GRIN3A: variants seen among roughly 807,000 people sequenced by gnomAD.
The protein encoded by GRIN3A is glutamate ionotropic receptor NMDA type subunit 3A.
GRIN3A carries 47 observed loss-of-function variants against 92.4 expected under a neutral mutation model. The observed-to-expected ratio is 0.51, with a 90% confidence interval of 0.40 to 0.65. The LOEUF is 0.65. GRIN3A is among the 30% of genes least tolerant of loss of function. GRIN3A has a pLI of 0.00. For synonymous variants in GRIN3A, 527 were observed against 540.6 expected, an observed-to-expected ratio of 0.97 and a Z score of 0.35; for missense variants, 1,324 against 1,393.1, an observed-to-expected ratio of 0.95 and a Z score of 0.79.
At chr9:101,734,409 C>T (rs1830175452) in intron 1 of GRIN3A, among the ~76,000 whole-genome samples, 1 of 152,030 alleles carries the variant, frequency 6.6e-6, no homozygotes, top group Non-Finnish European at 1.5e-5. Flanking sequence ...TGCTTTGACC[C>T]CATCCTATGT....
chr9:101,649,411 G>A (rs1828981192), intron 3 of GRIN3A, among the ~76,000 whole-genome samples: 1 of 151,958 alleles, frequency 6.6e-6, no homozygotes, highest in Admixed American at 6.6e-5. Context: ...ACTCACTCCA[G>A]GTGGTTCAGC....
At chr9:101,606,776 T>C (rs1200606478) in intron 6 of GRIN3A, among the ~76,000 whole-genome samples, 4 of 152,292 alleles carry the variant, frequency 2.6e-5, no homozygotes, top group African/African-American at 9.6e-5. Flanking sequence ...ATTTTAGTAA[T>C]CCCTTGAAGA....
intron 1 of GRIN3A, among the ~76,000 whole-genome samples, chr9:101,690,848 A>G (rs1268245580): frequency 1.3e-5 from 2 of 152,150 alleles, no homozygotes; most frequent in Non-Finnish European, 2.9e-5. Context: ...AGGAAATAGG[A>G]TATTAGAATT....
At chr9:101,593,728 C>T (rs1828065876) in intron 6 of GRIN3A, 1 of 152,178 alleles carries the variant, frequency 6.6e-6, no homozygotes, top group Non-Finnish European at 1.5e-5. Flanking sequence ...GCACTTAGTC[C>T]AGGCTTAGCA....
chr9:101,653,728 C>T (rs1829043974), intron 3 of GRIN3A, among the ~76,000 whole-genome samples: 1 of 151,724 alleles, frequency 6.6e-6, no homozygotes, highest in South Asian at 2.1e-4. Flanking sequence ...TCACCTTCCA[C>T]TTATTATTGA....
At chr9:101,724,378 C>T (rs1281214911) in intron 1 of GRIN3A, among the ~76,000 whole-genome samples, 8 of 152,276 alleles carry the variant, frequency 5.3e-5, no homozygotes, top group African/African-American at 1.9e-4. Flanking sequence ...CCTCATTGCC[C>T]AGGGCCGGCA....
At chr9:101,611,000 AG>A (rs1334327158) in intron 6 of GRIN3A, among the ~76,000 whole-genome samples, 1 of 151,104 alleles carries the variant, frequency 6.6e-6, no homozygotes, top group Non-Finnish European at 1.5e-5. Context: ...CGGGAGGCTG[AG>A]GCAGGAGAAT....
chr9:101,599,879 C>T (rs1036775412), intron 6 of GRIN3A, among the ~76,000 whole-genome samples: 6 of 152,092 alleles, frequency 3.9e-5, no homozygotes, highest in South Asian at 2.1e-4. Flanking sequence ...GTAGCATTGC[C>T]GGTCACCATA....
At chr9:101,577,720 A>G (rs1827842961) in intron 8 of GRIN3A, 48 bp downstream of exon 8, 1 of 1,306,416 alleles carries the variant, frequency 7.7e-7, no homozygotes, top group Non-Finnish European at 1.1e-6. Context: ...TAGATCTCTA[A>G]AGATTATTTT....
chr9:101,575,298 A>G (rs959941994), intron 8 of GRIN3A, among the ~76,000 whole-genome samples: 5 of 152,224 alleles, frequency 3.3e-5, no homozygotes, highest in Admixed American at 6.5e-5. Context: ...CCTGAGTCAG[A>G]GAGGAGATGT....
chr9:101,587,990 C>T (rs1827969752), intron 6 of GRIN3A, among the ~76,000 whole-genome samples: 1 of 152,122 alleles, frequency 6.6e-6, no homozygotes, highest in Non-Finnish European at 1.5e-5. Context: ...CTCAAAAGAA[C>T]TTGGCAGATT....
rs1199347154 is a variant in GRIN3A at position 101,573,164 on chromosome 9, G to A, written c.*10C>T. ...GGTCAGGAACTGAGAAAGGGAAGCAGTGTGGTCACCTAGGACTCACAAGTC... is the reference window on the plus strand; with the variant it reads ...GGTCAGGAACTGAGAAAGGGAAGCAATGTGGTCACCTAGGACTCACAAGTC... On this transcript the variant is annotated 3_prime_UTR_variant, in exon 9 of 9. Transcript: ENST00000361820. 2.5e-6 allele frequency: 4 copies of A among 1,606,192 alleles called. No homozygotes were observed. Among genetic ancestry groups the A allele is most frequent in the Middle Eastern group, 1.7e-4 (1 of 6,034 alleles).
At chr9:101,574,417 G>A (rs1827801205) in intron 8 of GRIN3A, among the ~76,000 whole-genome samples, 1 of 152,152 alleles carries the variant, frequency 6.6e-6, no homozygotes, top group Non-Finnish European at 1.5e-5. Flanking sequence ...GGAGGAGTAG[G>A]AGGGTTATGA....
intron 3 of GRIN3A, among the ~76,000 whole-genome samples, chr9:101,638,745 G>A (rs1828815631): frequency 6.6e-6 from 1 of 152,154 alleles, no homozygotes; most frequent in South Asian, 2.1e-4. Flanking sequence ...GACAAAACTG[G>A]GCAGAGCTGG....
intron 1 of GRIN3A, among the ~76,000 whole-genome samples, chr9:101,732,303 G>A (rs981105129): frequency 6.6e-6 from 1 of 152,140 alleles, no homozygotes; most frequent in African/African-American, 2.4e-5. Context: ...GAGTGAGAGT[G>A]GGGTAGACTC....
chr9:101,645,458 G>A (rs1828925291), intron 3 of GRIN3A, among the ~76,000 whole-genome samples: 1 of 151,784 alleles, frequency 6.6e-6, no homozygotes, highest in African/African-American at 2.4e-5. Context: ...ACATGCAGAT[G>A]CAGATACATT....
chr9:101,683,096 T>G (rs113840573), intron 2 of GRIN3A, among the ~76,000 whole-genome samples: 5 of 152,352 alleles, frequency 3.3e-5, no homozygotes, highest in African/African-American at 1.2e-4. Context: ...TTATGGACAT[T>G]TGCTCTGGCA....
intron 5 of GRIN3A, among the ~76,000 whole-genome samples, chr9:101,616,747 G>C (rs1287676086): frequency 9.1e-6 from 1 of 109,592 alleles, no homozygotes; most frequent in South Asian, 3.7e-4. Context: ...GTGGTGGGGT[G>C]GGGGGAGGGG....
intron 1 of GRIN3A, among the ~76,000 whole-genome samples, chr9:101,709,356 T>A (rs1016331655): frequency 6.6e-6 from 1 of 152,170 alleles, no homozygotes; most frequent in African/African-American, 2.4e-5. Context: ...CTTTAAAAAA[T>A]ATACCATTTA....
Sources: gnomAD v4.1 joint callset for allele counts (sites outside exome capture counted in the v4.1 genomes callset) on GRCh38, gnomAD v4.1.1 for gene constraint, MANE v1.5 for transcripts, NCBI Gene and HGNC (gene_info 2026-07-23, HGNC 2026-07-21) for gene names.